Variants in NXPE2 observed in about 807,000 individuals in gnomAD.
NXPE2 encodes NXPE family member 2.
Under a neutral mutation model 34.4 loss-of-function variants are expected in NXPE2, and 34 were observed. The observed-to-expected ratio is 0.99, with a 90% CI of 0.75 to 1.31. The LOEUF is 1.31. NXPE2 is among the 40% of genes most tolerant of loss of function. The pLI is 0.00. For missense variants in NXPE2, 649 were observed against 672.5 expected, an observed-to-expected ratio of 0.97 and a Z score of 0.39; for synonymous variants, 235 against 231.3, an observed-to-expected ratio of 1.02 and a Z score of -0.15.
the NXPE2 span, among the ~76,000 whole-genome samples, chr11:114,622,662 C>T: frequency 6.6e-6 from 1 of 151,800 alleles, no homozygotes; most frequent in African/African-American, 2.4e-5. Context: ...ACCAGTGTTA[C>T]CCGGTGGATA....
At chr11:114,694,941 T>A (rs1951221145) in intron 2 of NXPE2, among the ~76,000 whole-genome samples, 1 of 152,200 alleles carries the variant, frequency 6.6e-6, no homozygotes, top group Non-Finnish European at 1.5e-5. Flanking sequence ...TAACTAAGTT[T>A]TGTTCTGATG....
chr11:114,472,769 T>C, the NXPE2 span, among the ~76,000 whole-genome samples: 3 of 152,188 alleles, frequency 2.0e-5, no homozygotes, highest in African/African-American at 2.4e-5. Flanking sequence ...TTCTACGTAA[T>C]GGCAGGCAAC....
At chr11:114,595,357 A>G in the NXPE2 span, among the ~76,000 whole-genome samples, 1 of 152,090 alleles carries the variant, frequency 6.6e-6, no homozygotes, top group African/African-American at 2.4e-5. Flanking sequence ...TCATCTTAAC[A>G]TTTCTCTTTG....
the NXPE2 span, among the ~76,000 whole-genome samples, chr11:114,626,064 G>C: frequency 6.6e-6 from 1 of 152,192 alleles, no homozygotes; most frequent in African/African-American, 2.4e-5. Context: ...ACAGCAGTCT[G>C]AGATCAAACT....
At chr11:114,555,040 CTT>C in the NXPE2 span, among the ~76,000 whole-genome samples, 7 of 143,500 alleles carry the variant, frequency 4.9e-5, no homozygotes, top group Admixed American at 7.0e-5. Flanking sequence ...CTTGGGAGTC[CTT>C]TTTTTTTTTT....
At chr11:114,501,767 A>G in the NXPE2 span, among the ~76,000 whole-genome samples, 116 of 152,268 alleles carry the variant, frequency 7.6e-4, no homozygotes, top group African/African-American at 2.6e-3. Flanking sequence ...GGGCTTTGGA[A>G]GAGACTTAGT....
the NXPE2 span, among the ~76,000 whole-genome samples, chr11:114,474,971 G>A: frequency 6.6e-6 from 1 of 152,130 alleles, no homozygotes; most frequent in Non-Finnish European, 1.5e-5. Context: ...GATTATTCAT[G>A]TATTTGGAAG....
At chr11:114,647,997 G>T in the NXPE2 span, among the ~76,000 whole-genome samples, 1 of 152,116 alleles carries the variant, frequency 6.6e-6, no homozygotes, top group African/African-American at 2.4e-5. Context: ...ACTGTTGCCG[G>T]CCGACTTAAC....
the NXPE2 span, among the ~76,000 whole-genome samples, chr11:114,515,031 T>C: frequency 5.3e-5 from 8 of 152,128 alleles, no homozygotes; most frequent in African/African-American, 1.7e-4. Context: ...TGTATTGTCA[T>C]AGTATATAAT....
At chr11:114,736,752 C>T in the NXPE2 span, among the ~76,000 whole-genome samples, 1 of 152,114 alleles carries the variant, frequency 6.6e-6, no homozygotes, top group East Asian at 1.9e-4. Flanking sequence ...GAAATCTTCA[C>T]AATTTATGTT....
the NXPE2 span, among the ~76,000 whole-genome samples, chr11:114,538,345 G>T: frequency 1.3e-5 from 2 of 152,186 alleles, no homozygotes; most frequent in African/African-American, 2.4e-5. Flanking sequence ...AACCTAGGCA[G>T]TACCATTCAG....
intron 2 of NXPE2, among the ~76,000 whole-genome samples, chr11:114,693,085 T>C (rs1951183146): frequency 1.3e-5 from 2 of 152,258 alleles, no homozygotes; most frequent in Admixed American, 1.3e-4. Context: ...CCTCATTATA[T>C]ACCGAATCTT....
the NXPE2 span, among the ~76,000 whole-genome samples, chr11:114,754,267 T>C: frequency 1.8e-3 from 280 of 152,240 alleles, 1 homozygote; most frequent in African/African-American, 6.0e-3. Context: ...TGGGCATCCC[T>C]GACCTCAAAC....
At chr11:114,740,269 G>A in the NXPE2 span, among the ~76,000 whole-genome samples, 145,911 of 152,218 alleles carry the variant, frequency 0.96, 70,240 homozygotes, top group East Asian at 1. Flanking sequence ...CTGAAACCCC[G>A]GAAAGTAAAG....
At chr11:114,754,480 T>G in the NXPE2 span, among the ~76,000 whole-genome samples, 1 of 152,292 alleles carries the variant, frequency 6.6e-6, no homozygotes, top group Admixed American at 6.5e-5. Flanking sequence ...ACCAGTGTCA[T>G]CAGGGGCACT....
the NXPE2 span, among the ~76,000 whole-genome samples, chr11:114,601,634 TA>T: frequency 2.2e-4 from 18 of 81,688 alleles, no homozygotes; most frequent in African/African-American, 6.6e-4. Context: ...ATATTATTTA[TA>T]ATTATATATA....
chr11:114,709,358 A>C (rs922587207), downstream of NXPE2, among the ~76,000 whole-genome samples: 2 of 152,192 alleles, frequency 1.3e-5, no homozygotes, highest in Non-Finnish European at 2.9e-5. Flanking sequence ...AAAATCACCA[A>C]ATGTTGGTAA....
chr11:114,609,079 C>A, the NXPE2 span, among the ~76,000 whole-genome samples: 1 of 150,722 alleles, frequency 6.6e-6, no homozygotes, highest in African/African-American at 2.4e-5. Context: ...CACTGTTATC[C>A]GGTGGATAAT....
the NXPE2 span, among the ~76,000 whole-genome samples, chr11:114,602,326 A>G: frequency 1.2e-5 from 1 of 85,990 alleles, no homozygotes; most frequent in Non-Finnish European, 2.6e-5. Flanking sequence ...ATATTATACT[A>G]TATATATGTT....
Sources: allele counts gnomAD v4.1 joint callset (sites outside exome capture counted in the v4.1 genomes callset), GRCh38; gene constraint gnomAD v4.1.1; transcripts MANE v1.5; gene names NCBI Gene and HGNC (gene_info 2026-07-23, HGNC 2026-07-21).